The following DNAH9 variants were observed in gnomAD, a reference collection of about 807,000 sequenced individuals.
DNAH9 encodes the protein DNAH9 variant protein.
A neutral mutation model predicts 471.6 loss-of-function variants in DNAH9; 345 were observed. The ratio of observed to expected loss-of-function variants is 0.73; its 90% confidence interval spans 0.67 to 0.80. The LOEUF is 0.80. DNAH9 is among the 30% of genes least tolerant of loss of function. The pLI, the probability that DNAH9 is intolerant of heterozygous loss-of-function variation, is 0.00. For synonymous variants in DNAH9, 2,093 were observed against 2,123.6 expected (o/e 0.99, Z 0.40); for missense variants, 5,407 against 5,609.2 (o/e 0.96, Z 1.15).
intron 45 of DNAH9, among the ~76,000 whole-genome samples, chr17:11,810,987 T>C (rs1357313386): frequency 6.6e-6 from 1 of 152,216 alleles, no homozygotes; most frequent in Non-Finnish European, 1.5e-5. Context: ...TGCTATTTTA[T>C]TGTCCTTCTT....
At chr17:11,681,481 C>T (rs1007899713) in intron 19 of DNAH9, among the ~76,000 whole-genome samples, 4 of 152,142 alleles carry the variant, frequency 2.6e-5, no homozygotes, top group Non-Finnish European at 4.4e-5. Context: ...CGTGGTGAAG[C>T]GGTCTGCTTC....
chr17:11,757,417 G>A (rs1178578605), intron 34 of DNAH9, 128 bp from the exon 35 acceptor site: 3 of 874,068 alleles, frequency 3.4e-6, no homozygotes, highest in East Asian at 5.3e-5. Flanking sequence ...TCACATCTTG[G>A]CCAAATCTCC....
At chr17:11,813,751 C>T (rs1970001498) in intron 45 of DNAH9, among the ~76,000 whole-genome samples, 2 of 152,276 alleles carry the variant, frequency 1.3e-5, no homozygotes, top group South Asian at 4.1e-4. Context: ...AAAATCAAAC[C>T]ATGATAGTAA....
chr17:11,942,176 C>A, intron 66 of DNAH9, 127 bp from the exon 67 acceptor site: 1 of 1,313,696 alleles, frequency 7.6e-7, no homozygotes, highest in Non-Finnish European at 1.1e-6. Context: ...AGAGTTTGGC[C>A]ATGTCAGTGG....
Position 11,738,917 on chromosome 17 carries a change from A to C in DNAH9, c.5852A>C (p.Gln1951Pro), listed in dbSNP as rs2075393438. ...CAAGATGCGATTAGAGATAAGAAGC[A>C]GTGGTTCAGCTTCCTTGGGGAGGAG... ...SIQDAIRDKKQWFSFLGEEIS... is the reference protein window; with the variant it reads ...SIQDAIRDKKPWFSFLGEEIS... The change falls in exon 29 of 69, where the codon CAG becomes CCG. Residue 1951 changes from glutamine (Q) to proline (P), a missense_variant. By Grantham distance (76) the Gln-to-Pro change is moderately conservative (BLOSUM62 -1). This residue lies in a region of DNAH9 where 4,636 missense variants were observed against 4,900.3 expected (regional missense o/e 0.95). Coordinates refer to ENST00000262442, the MANE Select transcript of DNAH9 (RefSeq NM_001372.4). 6.2e-7 allele frequency: 1 copy of C among 1,614,028 alleles called. No homozygotes were observed. Among genetic ancestry groups the C allele is most frequent in the Non-Finnish European group, 8.5e-7 (1 of 1,179,958 alleles).
chr17:11,768,321 G>C, intron 36 of DNAH9, 132 bp from the exon 37 acceptor site: 1 of 914,798 alleles, frequency 1.1e-6, no homozygotes. Context: ...TGGAGGAGCT[G>C]GTCTAGCCGG....
chr17:11,730,763 T>G (rs1435194420), intron 28 of DNAH9, among the ~76,000 whole-genome samples: 1 of 151,638 alleles, frequency 6.6e-6, no homozygotes, highest in Non-Finnish European at 1.5e-5. Context: ...ATGTTAGTGA[T>G]GATGATGATG....
intron 39 of DNAH9, among the ~76,000 whole-genome samples, chr17:11,781,841 A>C (rs535814210): frequency 3.3e-4 from 48 of 145,892 alleles, no homozygotes; most frequent in African/African-American, 1.1e-3. Flanking sequence ...TAAAAAAAAA[A>C]AACAAACAAA....
At chr17:11,848,148 C>T (rs1971290680) in intron 49 of DNAH9, among the ~76,000 whole-genome samples, 1 of 152,146 alleles carries the variant, frequency 6.6e-6, no homozygotes, top group African/African-American at 2.4e-5. Flanking sequence ...AGTTAACTGT[C>T]CTCAAAAGAG....
In DNAH9 at chr17:11,735,363, G is replaced by A. The variant is rs141678340; in HGVS notation, c.5815-3517G>A. Among the ~76,000 whole-genome samples the A allele has an allele frequency of 5.4e-3, 820 of 152,222 alleles. 9 individuals are homozygous for A. Among genetic ancestry groups the A allele is most frequent in the African/African-American group, 0.019 (780 of 41,530 alleles). On this transcript the variant is annotated intron_variant, in intron 28 of 68. Coordinates refer to ENST00000262442, the MANE Select transcript of DNAH9 (RefSeq NM_001372.4). ...ACACGACCCCTGGGAGAGAGGGATT[G>A]CAAACTCATTCCCAGTTGAGAACAC... is the stretch of plus-strand genomic sequence containing the variant.
In DNAH9 at chr17:11,746,048, C is replaced by T. The variant is rs150818778; in HGVS notation, c.6399+964C>T. ...ATGTATCCACATTGGAAAGACAGTA[C>T]TGAACAGAATGACTTCAAATGAATC... is the stretch of plus-strand genomic sequence containing the variant. On this transcript the variant is annotated intron_variant, in intron 31 of 68. Coordinates refer to ENST00000262442, the MANE Select transcript of DNAH9 (RefSeq NM_001372.4). Among the ~76,000 whole-genome samples, 81 of 152,304 alleles carry T rather than the reference C, an allele frequency of 5.3e-4. No individual in the cohort carries two copies. In the East Asian group the frequency reaches 0.011, roughly 21 times the overall value.
rs1447840864 is a variant in DNAH9, at chr17:11,690,442, T to C, written c.4614+6T>C. 1.2e-6 allele frequency: 2 copies of C among 1,609,820 alleles called. No individual in the cohort carries two copies. The highest frequency in any genetic ancestry group is 1.3e-5 in the African/African-American group (1 of 74,792). On this transcript the variant is annotated splice_donor_region_variant and intron_variant, in intron 20 of 68. Transcript: ENST00000262442. ...TTCGGGCACAGCTACCCCAGGTACC[T>C]GCTAAGGAAATCTAGAATCTCTCTA... is the stretch of plus-strand genomic sequence containing the variant.
intron 43 of DNAH9, among the ~76,000 whole-genome samples, chr17:11,805,518 G>C (rs953970156): frequency 9.5e-6 from 1 of 105,082 alleles, no homozygotes; most frequent in African/African-American, 3.5e-5. Context: ...AACTTTACCC[G>C]AGTTCTTTTT....
chr17:11,810,152 A>T (rs2150927309), intron 44 of DNAH9, 94 bp from the exon 45 acceptor site: 3 of 1,429,390 alleles, frequency 2.1e-6, no homozygotes. Flanking sequence ...ATTCAAGCAG[A>T]GAAGAAAACG....
intron 3 of DNAH9, among the ~76,000 whole-genome samples, chr17:11,610,843 A>C (rs2072619103): frequency 6.6e-6 from 1 of 152,142 alleles, no homozygotes; most frequent in Non-Finnish European, 1.5e-5. Context: ...AAAATTAATC[A>C]ACTCTTTAAC....
intron 54 of DNAH9, 77 bp from the exon 55 acceptor site, chr17:11,881,131 GA>G: frequency 7.3e-7 from 1 of 1,371,730 alleles, no homozygotes; most frequent in Non-Finnish European, 1.0e-6. Context: ...AATATTGTTT[GA>G]AAAAAATCTC....
intron 38 of DNAH9, among the ~76,000 whole-genome samples, chr17:11,771,806 G>GCAA (rs1237918345): frequency 6.6e-6 from 1 of 152,040 alleles, no homozygotes; most frequent in South Asian, 2.1e-4. Flanking sequence ...AATAATAATA[G>GCAA]CAACAACAAC....
At chr17:11,703,477 G>A (rs1051014561) in intron 24 of DNAH9, among the ~76,000 whole-genome samples, 1 of 152,106 alleles carries the variant, frequency 6.6e-6, no homozygotes, top group African/African-American at 2.4e-5. Context: ...CTAGAGTGGT[G>A]TCCCCCAAAC....
chr17:11,623,004 G>A lies in DNAH9; in HGVS notation c.1350+3223G>A, dbSNP rs1480196893. On this transcript the variant is annotated intron_variant, in intron 6 of 68. Coordinates refer to ENST00000262442, the MANE Select transcript of DNAH9 (RefSeq NM_001372.4). The surrounding 1 kb of genome is among the most constrained non-coding windows in gnomAD (Gnocchi z 4.1). ...TTTTTTTTTCTCGAGATGGAGTTTT[G>A]CTCTTGTTGCCCAGGCTGGAGTGCA... 5.3e-5 allele frequency among the ~76,000 whole-genome samples: 5 copies of A among 95,100 alleles called. No individual in the cohort carries two copies. In the South Asian group the frequency reaches 1.0e-3, roughly 20 times the overall value. 62.4% of individuals were successfully genotyped at this position (95,100 alleles called of 152,430 possible). A position where few individuals can be genotyped will look rare whatever the true frequency, so the allele number is the denominator to read the frequency against.
Sources: gnomAD v4.1 joint callset for allele counts (sites outside exome capture counted in the v4.1 genomes callset) on GRCh38, gnomAD v4.1.1 for gene constraint, gnomAD v4.1.1 regional missense constraint, Gnocchi (gnomAD v3.1) non-coding constraint, MANE v1.5 for transcripts, NCBI Gene and HGNC (gene_info 2026-07-23, HGNC 2026-07-21) for gene names.